Variants in ZBBX observed in about 807,000 individuals in gnomAD.
ZBBX encodes the protein zinc finger B-box domain containing, also known as zinc finger B-box domain-containing protein 1.
Under a neutral mutation model 108.5 loss-of-function variants are expected in ZBBX, and 101 were observed. The ratio of observed to expected loss-of-function variants is 0.93; its 90% CI spans 0.79 to 1.10. The LOEUF (loss-of-function observed/expected upper bound fraction) is 1.10, where lower values mean the gene tolerates loss of function less well. Among genes scored for constraint, ZBBX ranks in the 50% least tolerant of loss-of-function variants. The pLI, the probability that ZBBX is intolerant of heterozygous loss-of-function variation, is 0.00. For synonymous variants in ZBBX, 356 were observed against 323.4 expected, an observed-to-expected ratio of 1.10 and a Z score of -1.08; for missense variants, 1,009 against 941.4, an observed-to-expected ratio of 1.07 and a Z score of -0.94.
At chr3:167,327,621 T>TA (rs1452378807) in intron 11 of ZBBX, among the ~76,000 whole-genome samples, 2 of 151,990 alleles carry the variant, frequency 1.3e-5, no homozygotes, top group East Asian at 1.9e-4. Flanking sequence ...ATTCATGGTA[T>TA]AAAAAACCAT....
chr3:167,297,703 C>A (rs900869367), intron 18 of ZBBX, among the ~76,000 whole-genome samples: 26 of 151,590 alleles, frequency 1.7e-4, no homozygotes, highest in African/African-American at 5.8e-4. Flanking sequence ...ACAAATAACC[C>A]AATTAAAATA....
At chr3:167,205,816 T>C in the ZBBX span, among the ~76,000 whole-genome samples, 2,535 of 152,246 alleles carry the variant, frequency 0.017, 76 homozygotes, top group African/African-American at 0.058. Context: ...TAGTAATTTA[T>C]GTTAATTAAT....
chr3:167,263,706 A>C (rs1371486204), intron 20 of ZBBX, among the ~76,000 whole-genome samples: 1 of 152,204 alleles, frequency 6.6e-6, no homozygotes, highest in African/African-American at 2.4e-5. Context: ...GTTGGATGAA[A>C]TGTTCTGTAA....
At chr3:167,390,403 A>C (rs1748051551) in intron 1 of ZBBX, among the ~76,000 whole-genome samples, 1 of 151,964 alleles carries the variant, frequency 6.6e-6, no homozygotes, top group African/African-American at 2.4e-5. Context: ...GTATAGTTTG[A>C]AGTCAGGTAG....
At chr3:167,195,058 T>C in the ZBBX span, among the ~76,000 whole-genome samples, 16 of 152,234 alleles carry the variant, frequency 1.1e-4, no homozygotes, top group African/African-American at 3.9e-4. Flanking sequence ...AAACAACCGG[T>C]GCCATCATAT....
At chr3:167,339,665 TTTTTA>T (rs1740192437) in intron 9 of ZBBX, among the ~76,000 whole-genome samples, 1 of 152,220 alleles carries the variant, frequency 6.6e-6, no homozygotes, top group East Asian at 1.9e-4. Flanking sequence ...GTTTGTTTTG[TTTTTA>T]TTTTAAGTTC....
chr3:167,304,806 A>C (rs927291127), intron 17 of ZBBX, among the ~76,000 whole-genome samples: 1 of 151,954 alleles, frequency 6.6e-6, no homozygotes, highest in African/African-American at 2.4e-5. Flanking sequence ...CTGATCAGAC[A>C]TTTAGGGGTC....
intron 12 of ZBBX, among the ~76,000 whole-genome samples, chr3:167,318,781 C>CA (rs1012186714): frequency 2.0e-5 from 3 of 151,074 alleles, no homozygotes; most frequent in Non-Finnish European, 4.4e-5. Context: ...CAGTACCCCC[C>CA]AAAAAAAATA....
At chr3:167,234,217 T>A in the ZBBX span, among the ~76,000 whole-genome samples, 62,545 of 151,682 alleles carry the variant, frequency 0.41, 14,336 homozygotes, top group East Asian at 0.73. Flanking sequence ...TAACATTCCT[T>A]TAAAATGTAT....
chr3:167,209,107 AG>A, the ZBBX span, among the ~76,000 whole-genome samples: 1 of 149,848 alleles, frequency 6.7e-6, no homozygotes, highest in Non-Finnish European at 1.5e-5. Flanking sequence ...AGGAATGGGA[AG>A]GACTTTTTCT....
chr3:167,217,879 C>T, the ZBBX span, among the ~76,000 whole-genome samples: 1 of 145,600 alleles, frequency 6.9e-6, no homozygotes, highest in Admixed American at 7.2e-5. Context: ...CCAAATGTCG[C>T]ATGTTCTCAC....
chr3:167,180,851 C>T, the ZBBX span, among the ~76,000 whole-genome samples: 1 of 152,196 alleles, frequency 6.6e-6, no homozygotes, highest in Non-Finnish European at 1.5e-5. Flanking sequence ...GAAGCCAATC[C>T]TGGCTGTAAT....
chr3:167,190,441 C>A, the ZBBX span, among the ~76,000 whole-genome samples: 2 of 142,252 alleles, frequency 1.4e-5, no homozygotes, highest in Non-Finnish European at 3.0e-5. Flanking sequence ...AGTGCAGTGG[C>A]GCAATCTCGG....
At chr3:167,389,758 G>A (rs1009980471) in intron 1 of ZBBX, among the ~76,000 whole-genome samples, 1 of 151,802 alleles carries the variant, frequency 6.6e-6, no homozygotes, top group African/African-American at 2.4e-5. Flanking sequence ...CATGTTTTTG[G>A]CCACACAAAT....
At chr3:167,375,886 T>C (rs192205240) in intron 2 of ZBBX, among the ~76,000 whole-genome samples, 1 of 152,344 alleles carries the variant, frequency 6.6e-6, no homozygotes, top group Admixed American at 6.5e-5. Context: ...CTTATGGGAC[T>C]AGTTATGTTT....
chr3:167,372,831 C>T lies in ZBBX; in HGVS notation c.68+3G>A, dbSNP rs1267684013. 1.4e-6 allele frequency: 2 copies of T among 1,442,466 alleles called. No individual in the cohort carries two copies. Among genetic ancestry groups the T allele is most frequent in the Admixed American group, 1.8e-5 (1 of 55,442 alleles). The allele number at this position is 1,442,466 out of a possible 1,614,324, so 89.4% of individuals were successfully genotyped here. On this transcript the variant is annotated splice_donor_region_variant and intron_variant, in intron 4 of 21. Coordinates refer to ENST00000675490, the MANE Select transcript of ZBBX (RefSeq NM_001199201.2). ...ATTAAGAAATAAATATATATGAACTCACCTATATTTTAGCTTTACAGAATT... is the reference window on the plus strand; with the variant it reads ...ATTAAGAAATAAATATATATGAACTTACCTATATTTTAGCTTTACAGAATT...
chr3:167,305,921 T>C lies in ZBBX; in HGVS notation c.1447A>G (p.Ile483Val), dbSNP rs1447415755. Reference protein sequence around the residue: ...AETSNTDFDNIVDPDVYSSDI... With the variant: ...AETSNTDFDNVVDPDVYSSDI... ...GAAGAATACACATCAGGATCCACGA[T>C]GTTGTCAAAATCTGTGTTTGAAGTT... Residue 483 changes from isoleucine to valine, a missense_variant, in exon 17 of 22, where the codon ATC becomes GTC. Transcript: ENST00000675490. 1.3e-6 allele frequency: 2 copies of C among 1,571,168 alleles called. No homozygotes were observed. Among genetic ancestry groups the C allele is most frequent in the African/African-American group, 1.4e-5 (1 of 73,156 alleles).
intron 9 of ZBBX, among the ~76,000 whole-genome samples, chr3:167,338,541 C>A (rs201072478): frequency 1.4e-4 from 21 of 148,430 alleles, no homozygotes; most frequent in Admixed American, 4.0e-4. Context: ...AGTTCCAGAT[C>A]AAAAAAAAAA....
At chr3:167,309,266 G>T (rs1734183256) in intron 16 of ZBBX, among the ~76,000 whole-genome samples, 1 of 152,166 alleles carries the variant, frequency 6.6e-6, no homozygotes, top group Non-Finnish European at 1.5e-5. Flanking sequence ...CCACTGGCTT[G>T]CATGGTGCAA....
Sources: allele counts gnomAD v4.1 joint callset (sites outside exome capture counted in the v4.1 genomes callset), GRCh38; gene constraint gnomAD v4.1.1; transcripts MANE v1.5; gene names NCBI Gene and HGNC (gene_info 2026-07-23, HGNC 2026-07-21).